CDH26: variants seen among roughly 807,000 people sequenced by gnomAD.
CDH26 encodes the protein cadherin-like protein 26.
Under a neutral mutation model 90.3 loss-of-function variants are expected in CDH26, and 83 were observed. The ratio of observed to expected loss-of-function variants is 0.92; its 90% CI spans 0.77 to 1.10. The LOEUF (loss-of-function observed/expected upper bound fraction) is 1.10, where lower values mean the gene tolerates loss of function less well. Ranked by LOEUF, CDH26 falls within the 50% of genes least tolerant of loss-of-function variation. The pLI is 0.00. For synonymous variants in CDH26, 397 were observed against 396.3 expected (o/e 1.00, Z -0.02); for missense variants, 1,013 against 1,037.6 (o/e 0.98, Z 0.33).
intron 7 of CDH26, among the ~76,000 whole-genome samples, chr20:60,028,679 C>G (rs190890006): frequency 2.6e-5 from 4 of 152,280 alleles, no homozygotes; most frequent in Non-Finnish European, 1.5e-5. Flanking sequence ...GTGTCTTAGG[C>G]TGACATGGCA....
At chr20:59,979,447 T>A (rs1293270417) in intron 4 of CDH26, among the ~76,000 whole-genome samples, 1 of 152,010 alleles carries the variant, frequency 6.6e-6, no homozygotes, top group Non-Finnish European at 1.5e-5. Context: ...TCTGCCCACC[T>A]GGGCCTACCA....
rs528642445 is a variant in CDH26 at position 59,980,012 on chromosome 20, G to A, written c.394-2911G>A. Among the ~76,000 whole-genome samples the A allele has an allele frequency of 2.6e-5, 4 of 152,244 alleles. No individual in the cohort carries two copies. In the South Asian group the frequency reaches 8.3e-4, roughly 32 times the overall value. On this transcript the variant is annotated intron_variant, in intron 4 of 17. Transcript: ENST00000348616. The stretch of plus-strand genomic sequence containing the variant: ...GCTTAGTTGGATCACATAAGTGTAT[G>A]TTTAACTCGATAAGCAATTCCCAAA...
In CDH26 at chr20:60,030,676, G is replaced by T. The variant is rs922286951; in HGVS notation, c.948-555G>T. Among the ~76,000 whole-genome samples the T allele has an allele frequency of 1.3e-5, 2 of 152,190 alleles. No individual in the cohort carries two copies. The highest frequency in any genetic ancestry group is 2.9e-5 in the Non-Finnish European group (2 of 68,030). ...TTGAAGCTGAGAGGCTGTAAGTGCA[G>T]GGGCAGTTGCAGCAACCTTGAGAAC... is the stretch of plus-strand genomic sequence containing the variant. On this transcript the variant is annotated intron_variant, in intron 7 of 8. Coordinates refer to the CDH26 transcript ENST00000370991. The surrounding 1 kb of genome is among the most constrained non-coding windows in gnomAD (Gnocchi z 4.0).
At chr20:59,974,282 A>G (rs1569029825) in intron 4 of CDH26, among the ~76,000 whole-genome samples, 1 of 152,150 alleles carries the variant, frequency 6.6e-6, no homozygotes, top group Non-Finnish European at 1.5e-5. Context: ...GATGCTAGAT[A>G]TTAAATCTTT....
chr20:59,998,430 G>T (rs2061628913), intron 13 of CDH26, among the ~76,000 whole-genome samples: 2 of 152,226 alleles, frequency 1.3e-5, no homozygotes, highest in Admixed American at 1.3e-4. Context: ...TGGAAGCAGT[G>T]TGGGTGGAAA....
At position 59,992,976 on chromosome 20, in the gene CDH26, GGC is replaced by G. The variant is rs2061546180; in HGVS notation, c.1426+457_1426+458del. Among the ~76,000 whole-genome samples the G allele has an allele frequency of 6.6e-6, 1 of 152,050 alleles. No homozygotes were observed. The highest frequency in any genetic ancestry group is 2.4e-5 in the African/African-American group (1 of 41,400). On this transcript the variant is annotated intron_variant, in intron 10 of 17. Transcript: ENST00000348616. This position sits in a 1 kb window ranked among gnomAD's most constrained non-coding sequence, Gnocchi z 5.0. ...AGCATTTTTCTCTACACTCTCCTAA[GGC>G]TGAAACTTTAAACACACCAAAGCAG...
At chr20:60,033,370 T>G in intron 8 of CDH26, 1 of 1,203,548 alleles carries the variant, frequency 8.3e-7, no homozygotes, top group Non-Finnish European at 1.1e-6. Flanking sequence ...CTGCCTTCCT[T>G]CATGCATACA....
At chr20:59,989,510 G>A (rs2061501626) in intron 9 of CDH26, among the ~76,000 whole-genome samples, 1 of 149,206 alleles carries the variant, frequency 6.7e-6, no homozygotes, top group East Asian at 1.9e-4. Context: ...AGTCCGGCCT[G>A]GGCGACAGAG....
intron 17 of CDH26, among the ~76,000 whole-genome samples, chr20:60,009,225 C>T (rs1052352686): frequency 2.0e-5 from 3 of 152,084 alleles, no homozygotes; most frequent in Admixed American, 6.5e-5. Flanking sequence ...ACAGAGTGGC[C>T]GACTACAGAC....
chr20:60,031,273 A>G (rs1258388679), exon 8 of CDH26: 13 of 1,267,452 alleles, frequency 1.0e-5, no homozygotes, highest in Non-Finnish European at 1.3e-5. Context: ...GGGCTGCATC[A>G]TCCCCCAGGG....
At chr20:60,004,765 C>CAAAA (rs140015980) in intron 16 of CDH26, among the ~76,000 whole-genome samples, 79 of 47,978 alleles carry the variant, frequency 1.6e-3, no homozygotes, top group African/African-American at 3.4e-3. Context: ...GACTCCATCT[C>CAAAA]AAAAAAAAAA....
intron 16 of CDH26, among the ~76,000 whole-genome samples, chr20:60,003,269 A>G (rs761691137): frequency 6.6e-6 from 1 of 152,174 alleles, no homozygotes; most frequent in Non-Finnish European, 1.5e-5. Context: ...GATCCTACAA[A>G]TAACTCCATT....
chr20:59,962,743 G>A (rs933971209), intron 1 of CDH26, among the ~76,000 whole-genome samples: 1 of 152,174 alleles, frequency 6.6e-6, no homozygotes. Context: ...TTCCCGAGGT[G>A]GTGGAAACTT....
At chr20:59,993,287 G>A (rs1473914219) in intron 10 of CDH26, among the ~76,000 whole-genome samples, 1 of 152,052 alleles carries the variant, frequency 6.6e-6, no homozygotes, top group Non-Finnish European at 1.5e-5. Flanking sequence ...TATTTCAAAA[G>A]CTTTTGGGGT....
intron 17 of CDH26, 135 bp downstream of exon 17, chr20:60,006,922 G>C: frequency 1.5e-6 from 1 of 659,018 alleles, no homozygotes. Context: ...AAATACCATA[G>C]CCTGACTGGT....
At chr20:59,980,800 T>A (rs1460234524) in intron 4 of CDH26, among the ~76,000 whole-genome samples, 1 of 152,256 alleles carries the variant, frequency 6.6e-6, no homozygotes, top group Non-Finnish European at 1.5e-5. Flanking sequence ...TTTTCTCTTC[T>A]GGATCATGTT....
chr20:60,009,341 G>T (rs1466210199), intron 17 of CDH26, among the ~76,000 whole-genome samples: 2 of 152,210 alleles, frequency 1.3e-5, no homozygotes, highest in African/African-American at 2.4e-5. Flanking sequence ...CTCGGGTGAA[G>T]CTCTGTGCAG....
chr20:59,968,300 A>G (rs1284549808), intron 1 of CDH26, among the ~76,000 whole-genome samples: 1 of 151,696 alleles, frequency 6.6e-6, no homozygotes, highest in East Asian at 2.0e-4. Context: ...GTTTCATCAT[A>G]TTGGTTAGTT....
At chr20:59,982,842 A>G (rs572685393) in intron 4 of CDH26, 81 bp from the exon 5 acceptor site, 28 of 1,501,792 alleles carry the variant, frequency 1.9e-5, no homozygotes, top group Middle Eastern at 1.8e-4. Flanking sequence ...GACGTAACAC[A>G]TAATTAGGAT....
Sources: allele counts gnomAD v4.1 joint callset (sites outside exome capture counted in the v4.1 genomes callset), GRCh38; gene constraint gnomAD v4.1.1; non-coding constraint Gnocchi (gnomAD v3.1); transcripts MANE v1.5; gene names NCBI Gene and HGNC (gene_info 2026-07-23, HGNC 2026-07-21).